Variants in TRAK1 observed in about 807,000 individuals in gnomAD.
TRAK1 encodes trafficking kinesin protein 1.
A neutral mutation model predicts 92.1 loss-of-function variants in TRAK1; 33 were observed. That is an observed-to-expected ratio of 0.36 (90% CI 0.27 to 0.48). TRAK1 has a LOEUF of 0.48. Among genes scored for constraint, TRAK1 ranks in the 20% least tolerant of loss-of-function variants. The pLI, the probability that TRAK1 is intolerant of heterozygous loss-of-function variation, is 0.99. For missense variants in TRAK1, 1,123 were observed against 1,257.9 expected, an observed-to-expected ratio of 0.89 and a Z score of 1.62; for synonymous variants, 521 against 517.3, an observed-to-expected ratio of 1.01 and a Z score of -0.10.
intron 1 of TRAK1, among the ~76,000 whole-genome samples, chr3:42,033,581 C>G (rs1702225406): frequency 1.5e-5 from 2 of 134,726 alleles, no homozygotes. Flanking sequence ...GAGCAAGACC[C>G]TGTCTCAATC....
chr3:42,075,463 G>A (rs1704114825), intron 1 of TRAK1, among the ~76,000 whole-genome samples: 1 of 151,860 alleles, frequency 6.6e-6, no homozygotes. Flanking sequence ...GTGCTTATGT[G>A]TTTATGGTAG....
At chr3:42,028,896 C>T (rs574901209) in intron 1 of TRAK1, among the ~76,000 whole-genome samples, 1 of 152,258 alleles carries the variant, frequency 6.6e-6, no homozygotes, top group African/African-American at 2.4e-5. Context: ...TTAGTCTATT[C>T]TCACATGGCT....
At chr3:42,137,567 T>G (rs915463010) in intron 2 of TRAK1, among the ~76,000 whole-genome samples, 11 of 152,220 alleles carry the variant, frequency 7.2e-5, no homozygotes, top group Non-Finnish European at 1.6e-4. Flanking sequence ...GTTTTTTCCC[T>G]TAAACTCAAA....
At chr3:42,214,117 A>G (rs904797274) in intron 14 of TRAK1, among the ~76,000 whole-genome samples, 3 of 152,154 alleles carry the variant, frequency 2.0e-5, no homozygotes, top group Non-Finnish European at 4.4e-5. Flanking sequence ...CTTGTTGAGC[A>G]TTTTCTCTCT....
At chr3:42,034,671 T>C (rs1702262468) in intron 1 of TRAK1, among the ~76,000 whole-genome samples, 1 of 152,188 alleles carries the variant, frequency 6.6e-6, no homozygotes, top group South Asian at 2.1e-4. Context: ...TCAAACGCTG[T>C]ACCTCATGCT....
chr3:42,097,124 T>C (rs1212612931), intron 1 of TRAK1, among the ~76,000 whole-genome samples: 4 of 152,226 alleles, frequency 2.6e-5, no homozygotes, highest in Non-Finnish European at 5.9e-5. Flanking sequence ...GTAATCTATA[T>C]TGGAGACCTT....
At position 42,216,941 on chromosome 3, in the gene TRAK1, G is replaced by C. The variant is rs538950688; in HGVS notation, c.1964-2553G>C. Among the ~76,000 whole-genome samples, 11 of 152,228 alleles carry C rather than the reference G, an allele frequency of 7.2e-5. No individual in the cohort carries two copies. The South Asian group carries it at 2.3e-3, about 32-fold the overall frequency. On this transcript the variant is annotated intron_variant, in intron 14 of 15. Transcript: ENST00000327628. ...TTGAGCTCCCAAATGAGCAGCATGGGATGAACACATAATACCATCTTCTGC... is the reference window on the plus strand; with the variant it reads ...TTGAGCTCCCAAATGAGCAGCATGGCATGAACACATAATACCATCTTCTGC...
At chr3:42,117,083 C>T (rs1256101459) in intron 1 of TRAK1, among the ~76,000 whole-genome samples, 2 of 152,154 alleles carry the variant, frequency 1.3e-5, no homozygotes, top group South Asian at 2.1e-4. Context: ...GGACTGGGGG[C>T]GTCACCGGGA....
At chr3:42,107,243 C>G (rs1177184852) in intron 1 of TRAK1, among the ~76,000 whole-genome samples, 5 of 152,174 alleles carry the variant, frequency 3.3e-5, no homozygotes, top group Non-Finnish European at 7.3e-5. Flanking sequence ...GGGCTGGGCG[C>G]AGTGCCTTAT....
At chr3:42,176,362 A>G (rs993639202) in intron 2 of TRAK1, among the ~76,000 whole-genome samples, 1 of 152,216 alleles carries the variant, frequency 6.6e-6, no homozygotes, top group Non-Finnish European at 1.5e-5. Context: ...AATTATGCCA[A>G]CAGCTGCTTT....
Position 42,223,450 on chromosome 3 carries a change from G to C in TRAK1, c.2575G>C (p.Gly859Arg), listed in dbSNP as rs201359425. Residue 859 changes from glycine (G) to arginine (R), a missense_variant, in exon 16 of 16, where the codon GGG (glycine) becomes CGG (arginine). By Grantham distance (125) the Gly-to-Arg change is moderately radical. This residue lies in a region of TRAK1 where 401 missense variants were observed against 438.9 expected (regional missense o/e 0.91). Transcript: ENST00000327628. This position sits in a 1 kb window ranked among gnomAD's most constrained non-coding sequence, Gnocchi z 6.1. Reference protein sequence around the residue: ...RFGVAKVVNSGRAHVPTLTEE... With the variant: ...RFGVAKVVNSRRAHVPTLTEE... ...TGGGGTGGCCAAAGTGGTGAACTCA[G>C]GGCGAGCCCATGTCCCCACCTTGAC... is the stretch of plus-strand genomic sequence containing the variant. 82 of 1,613,918 alleles carry C rather than the reference G, an allele frequency of 5.1e-5. No individual in the cohort carries two copies. The highest frequency in any genetic ancestry group is 5.9e-6 in the Non-Finnish European group (7 of 1,180,028).
At chr3:42,047,414 A>G (rs1037882804) in intron 1 of TRAK1, among the ~76,000 whole-genome samples, 6 of 150,464 alleles carry the variant, frequency 4.0e-5, no homozygotes, top group Non-Finnish European at 8.9e-5. Context: ...TTTGTTTCCC[A>G]GGCTGGTCTT....
intron 15 of TRAK1, chr3:42,220,538 T>A (rs950600698): frequency 3.8e-5 from 37 of 985,392 alleles, no homozygotes; most frequent in Non-Finnish European, 4.5e-5. Flanking sequence ...TATGCCCCGT[T>A]GAGCTGAGAG....
intron 2 of TRAK1, chr3:42,160,447 A>T (rs1164642159): frequency 1.2e-6 from 2 of 1,614,228 alleles, no homozygotes; most frequent in South Asian, 2.2e-5. Flanking sequence ...CACAGGCAGC[A>T]TGACACCCAG....
intron 1 of TRAK1, among the ~76,000 whole-genome samples, chr3:42,042,914 A>G (rs1702605270): frequency 6.6e-6 from 1 of 151,992 alleles, no homozygotes; most frequent in African/African-American, 2.4e-5. Flanking sequence ...CATGGTCTGG[A>G]CGTGTGGCTA....
At chr3:42,144,853 G>A (rs1699139046) in intron 2 of TRAK1, among the ~76,000 whole-genome samples, 1 of 152,152 alleles carries the variant, frequency 6.6e-6, no homozygotes, top group African/African-American at 2.4e-5. Context: ...AAAGACAAAG[G>A]TTTATAGTGA....
intron 14 of TRAK1, chr3:42,218,780 T>G: frequency 1.0e-6 from 1 of 985,340 alleles, no homozygotes; most frequent in Non-Finnish European, 1.2e-6. Context: ...CTTAGAGATG[T>G]CAAGAAAGCA....
chr3:42,020,142 G>A (rs1455115454), intron 1 of TRAK1, among the ~76,000 whole-genome samples: 1 of 152,204 alleles, frequency 6.6e-6, no homozygotes, highest in African/African-American at 2.4e-5. Flanking sequence ...ATGCTGTCTC[G>A]GTTTCTGCCT....
intron 3 of TRAK1, among the ~76,000 whole-genome samples, chr3:42,179,544 T>C (rs913463533): frequency 6.6e-6 from 1 of 152,250 alleles, no homozygotes; most frequent in Non-Finnish European, 1.5e-5. Context: ...GTGATTCCAC[T>C]GGCCCCTTAG....
Sources: gnomAD v4.1 joint callset for allele counts (sites outside exome capture counted in the v4.1 genomes callset) on GRCh38, gnomAD v4.1.1 for gene constraint, gnomAD v4.1.1 regional missense constraint, Gnocchi (gnomAD v3.1) non-coding constraint, MANE v1.5 for transcripts, NCBI Gene and HGNC (gene_info 2026-07-23, HGNC 2026-07-21) for gene names.